ZFHX3: variants seen among roughly 807,000 people sequenced by gnomAD.
ZFHX3 encodes zinc finger homeobox protein 3.
ZFHX3 carries 42 observed loss-of-function variants against 279.1 expected under a neutral mutation model. The observed-to-expected ratio is 0.15, with a 90% CI of 0.12 to 0.19. The LOEUF is 0.19. Ranked by LOEUF, ZFHX3 falls within the 10% of genes least tolerant of loss-of-function variation. ZFHX3 has a pLI of 1.00. For missense variants in ZFHX3, 4,981 were observed against 4,754.0 expected, an observed-to-expected ratio of 1.05 and a Z score of -1.40; for synonymous variants, 2,293 against 1,957.8, an observed-to-expected ratio of 1.17 and a Z score of -4.52.
intron 7 of ZFHX3, among the ~76,000 whole-genome samples, chr16:72,801,360 A>G (rs1462141296): frequency 6.6e-6 from 1 of 152,184 alleles, no homozygotes; most frequent in Non-Finnish European, 1.5e-5. Flanking sequence ...TCAAAATTAA[A>G]TAATATTTTA....
intron 2 of ZFHX3, among the ~76,000 whole-genome samples, chr16:73,581,034 C>G (rs151145141): frequency 2.6e-5 from 4 of 151,826 alleles, no homozygotes; most frequent in African/African-American, 9.7e-5. Flanking sequence ...GTGTTCATTA[C>G]TTTGGGGTTG....
chr16:73,196,493 G>T (rs934056242), intron 5 of ZFHX3, among the ~76,000 whole-genome samples: 7 of 151,888 alleles, frequency 4.6e-5, no homozygotes, highest in African/African-American at 1.7e-4. Context: ...TTCTGAACTG[G>T]GGCTTGAAAA....
intron 2 of ZFHX3, among the ~76,000 whole-genome samples, chr16:73,550,494 C>G (rs916588995): frequency 2.0e-5 from 3 of 152,112 alleles, no homozygotes. Flanking sequence ...CCCTTTTACA[C>G]CACACAGGAT....
At chr16:73,103,189 C>T (rs1393105658) in intron 7 of ZFHX3, among the ~76,000 whole-genome samples, 4 of 152,130 alleles carry the variant, frequency 2.6e-5, no homozygotes, top group South Asian at 2.1e-4. Flanking sequence ...CCTCCCAAAT[C>T]GCTGAGATTA....
chr16:72,796,119 A>G lies in ZFHX3; in HGVS notation c.6563T>C (p.Val2188Ala). 6.2e-7 allele frequency: 1 copy of G among 1,614,100 alleles called. No individual in the cohort carries two copies. Among genetic ancestry groups the G allele is most frequent in the East Asian group, 2.2e-5 (1 of 44,868 alleles). ...AGTGTTCCTGAACCAGTGCTTGATC[A>G]CTTTCTGGGGCAACCCGGACTTGTC... ...MADKSGLPQK[V>A]IKHWFRNTLF... The change falls in exon 9 of 10, where the codon GTG (valine) becomes GCG (alanine). Residue 2188 changes from valine to alanine, a missense_variant. Val to Ala is a moderately conservative substitution (Grantham distance 64). Around this residue, in one of 7 missense-constraint regions of ZFHX3, gnomAD observed 177 missense variants for 244.2 expected, o/e 0.72. Coordinates refer to ENST00000268489, the MANE Select transcript of ZFHX3 (RefSeq NM_006885.4).
chr16:73,877,328 T>A (rs1000846476), intron 1 of ZFHX3, among the ~76,000 whole-genome samples: 15 of 151,656 alleles, frequency 9.9e-5, no homozygotes, highest in African/African-American at 3.6e-4. Flanking sequence ...CTTCATGCAA[T>A]TTTTTTTTCT....
intron 3 of ZFHX3, among the ~76,000 whole-genome samples, chr16:73,448,685 CGTGTGTGT>C (rs71156167): frequency 1.5e-4 from 21 of 142,154 alleles, no homozygotes; most frequent in Admixed American, 4.2e-4. Context: ...TATTTATATA[CGTGTGTGT>C]GTGTGTGTGT....
intron 7 of ZFHX3, 38 bp from the exon 8 acceptor site, chr16:72,800,167 A>C: frequency 6.5e-7 from 1 of 1,541,826 alleles, no homozygotes; most frequent in Non-Finnish European, 9.0e-7. Context: ...ATGGAGAGGA[A>C]AGCGACACAA....
At chr16:73,756,337 G>A (rs1345803328) in intron 1 of ZFHX3, among the ~76,000 whole-genome samples, 3 of 152,094 alleles carry the variant, frequency 2.0e-5, no homozygotes, top group East Asian at 1.9e-4. Flanking sequence ...GGCCTAATCC[G>A]GTAAAAATTG....
At chr16:73,176,961 C>T (rs991026067) in intron 5 of ZFHX3, among the ~76,000 whole-genome samples, 1 of 152,070 alleles carries the variant, frequency 6.6e-6, no homozygotes, top group Non-Finnish European at 1.5e-5. Flanking sequence ...ATGACTAAGT[C>T]ATGGAAGCAA....
intron 1 of ZFHX3, among the ~76,000 whole-genome samples, chr16:73,752,951 T>C (rs1006067411): frequency 6.6e-6 from 1 of 152,216 alleles, no homozygotes; most frequent in African/African-American, 2.4e-5. Context: ...ATCTGAGAAT[T>C]TGCATACTTG....
At position 73,763,450 on chromosome 16, in the gene ZFHX3, G is replaced by A. The variant is rs112771910; in HGVS notation, c.-1607-83210C>T. Among the ~76,000 whole-genome samples the A allele has an allele frequency of 7.2e-5, 11 of 152,266 alleles. 2 individuals carry two copies. The highest frequency in any genetic ancestry group is 2.6e-4 in the African/African-American group (11 of 41,556). On this transcript the variant is annotated intron_variant, in intron 1 of 17. Transcript: ENST00000641206. ...CACAAATGATTCTGCCAAGCAGGAA[G>A]GAAATGTAAGCTATTCTGAAAGACA...
chr16:73,356,046 G>C (rs1175092285), intron 3 of ZFHX3, among the ~76,000 whole-genome samples: 1 of 152,050 alleles, frequency 6.6e-6, no homozygotes, highest in Non-Finnish European at 1.5e-5. Context: ...TCATCCCAGA[G>C]ACCTAAGTTT....
chr16:73,719,002 C>G (rs868680768), intron 1 of ZFHX3, among the ~76,000 whole-genome samples: 1 of 152,188 alleles, frequency 6.6e-6, no homozygotes, highest in African/African-American at 2.4e-5. Context: ...TTCCATTAAA[C>G]TTGTATTTCT....
At chr16:73,016,767 T>C (rs1412814407) in intron 1 of ZFHX3, among the ~76,000 whole-genome samples, 1 of 152,132 alleles carries the variant, frequency 6.6e-6, no homozygotes, top group Non-Finnish European at 1.5e-5. Flanking sequence ...GAATGTTCTC[T>C]GTGCCTCTCA....
chr16:72,796,793 G>A lies in ZFHX3; in HGVS notation c.5889C>T (p.Asn1963=). 1.9e-6 allele frequency: 3 copies of A among 1,613,374 alleles called. No individual in the cohort carries two copies. The highest frequency in any genetic ancestry group is 1.1e-5 in the South Asian group (1 of 91,024). Residue 1963 remains asparagine, a synonymous_variant, in exon 9 of 10, where the codon AAC becomes AAT. Coordinates refer to ENST00000268489, the MANE Select transcript of ZFHX3 (RefSeq NM_006885.4). The stretch of plus-strand genomic sequence containing the variant: ...CATTCTTTTTCTGCACCTTCTGCTT[G>A]TTCTCATTATACTGGATGACCAACT... ...GFELVIQYNE[N]KQKVQKKNGK...
chr16:73,618,652 T>A (rs2052328574), intron 2 of ZFHX3, among the ~76,000 whole-genome samples: 1 of 152,164 alleles, frequency 6.6e-6, no homozygotes, highest in Non-Finnish European at 1.5e-5. Flanking sequence ...CTCCCTTAGT[T>A]TATATCTGAA....
intron 7 of ZFHX3, among the ~76,000 whole-genome samples, chr16:73,104,225 T>TTATG (rs1567389410): frequency 1.4e-5 from 1 of 69,740 alleles, no homozygotes; most frequent in African/African-American, 6.5e-5. Flanking sequence ...TTTTATGTAT[T>TTATG]TATTTATTTA....
At chr16:73,489,172 T>C (rs144412882) in intron 2 of ZFHX3, among the ~76,000 whole-genome samples, 171 of 152,352 alleles carry the variant, frequency 1.1e-3, no homozygotes, top group African/African-American at 3.8e-3. Context: ...AAATGCCCTC[T>C]TGATCCCAGC....
Sources: gnomAD v4.1 joint callset for allele counts (sites outside exome capture counted in the v4.1 genomes callset) on GRCh38, gnomAD v4.1.1 for gene constraint, gnomAD v4.1.1 regional missense constraint, MANE v1.5 for transcripts, NCBI Gene and HGNC (gene_info 2026-07-23, HGNC 2026-07-21) for gene names.